ATXN2: variants seen among roughly 807,000 people sequenced by gnomAD.
ATXN2 encodes the protein ataxin 2.
In ATXN2, 37 loss-of-function variants were observed where a neutral mutation model predicts 138.6. That is an observed-to-expected ratio of 0.27 (90% CI 0.21 to 0.35). The LOEUF is 0.35. Among genes scored for constraint, ATXN2 ranks in the 10% least tolerant of loss-of-function variants. ATXN2 has a pLI of 1.00. For missense variants in ATXN2, 1,216 were observed against 1,480.3 expected, an observed-to-expected ratio of 0.82 and a Z score of 2.93; for synonymous variants, 549 against 543.7, an observed-to-expected ratio of 1.01 and a Z score of -0.13.
chr12:111,510,642 A>C, intron 11 of ATXN2, 60 bp from the exon 12 acceptor site: 1 of 1,423,418 alleles, frequency 7.0e-7, no homozygotes, highest in Non-Finnish European at 9.6e-7. Context: ...TTCCTAAAAG[A>C]GGCTTCAGGC....
At chr12:111,475,507 TAA>T (rs1330579956) in intron 18 of ATXN2, among the ~76,000 whole-genome samples, 2 of 147,780 alleles carry the variant, frequency 1.4e-5, no homozygotes, top group Non-Finnish European at 3.0e-5. Flanking sequence ...TTTTTTTTTT[TAA>T]GAGGGAATCT....
chr12:111,566,155 G>A (rs1476197182), intron 1 of ATXN2, among the ~76,000 whole-genome samples: 1 of 152,084 alleles, frequency 6.6e-6, no homozygotes, highest in Non-Finnish European at 1.5e-5. Flanking sequence ...AAATACGGCC[G>A]GGCGCGGTGG....
rs531469078 is a variant in ATXN2, at chr12:111,475,709, A to G, written c.2525-4967T>C. Among the ~76,000 whole-genome samples the G allele has an allele frequency of 2.0e-5, 3 of 152,038 alleles. No homozygotes were observed. In the South Asian group the frequency reaches 6.2e-4, roughly 32 times the overall value. ...TAAAAAGGCAACTGATTTTTTTAGT[A>G]GTAAGTTAATTATAGAGTTCATATG... On this transcript the variant is annotated intron_variant, in intron 18 of 24. Transcript: ENST00000673436.
Position 111,598,764 on chromosome 12 carries a change from G to A in ATXN2, c.251+20C>T. On this transcript the variant is annotated intron_variant, in intron 1 of 24. Transcript: ENST00000673436. This position sits in a 1 kb window ranked among gnomAD's most constrained non-coding sequence, Gnocchi z 4.5. ...GGACGCCGGGCCCGGAGCGGAGGGG[G>A]CTGGGGTGCCGACACCCACCTGCCC... 7.8e-7 allele frequency: 1 copy of A among 1,275,858 alleles called. No homozygotes were observed. Among genetic ancestry groups the A allele is most frequent in the East Asian group, 3.5e-5 (1 of 28,728 alleles). 79.0% of individuals were successfully genotyped at this position (1,275,858 alleles called of 1,614,324 possible).
chr12:111,480,338 A>C (rs148105067), intron 18 of ATXN2, among the ~76,000 whole-genome samples: 1,611 of 152,340 alleles, frequency 0.011, 16 homozygotes, highest in Non-Finnish European at 0.014. Flanking sequence ...TTTATACTTT[A>C]AGATAAATTC....
At chr12:111,492,555 ACCT>A (rs2135707222) in intron 14 of ATXN2, among the ~76,000 whole-genome samples, 1 of 152,142 alleles carries the variant, frequency 6.6e-6, no homozygotes, top group South Asian at 2.1e-4. Flanking sequence ...GGTGGCACGC[ACCT>A]GTAATCCCAG....
chr12:111,578,448 CTTAACA>C (rs764084503), intron 1 of ATXN2, among the ~76,000 whole-genome samples: 4 of 152,142 alleles, frequency 2.6e-5, no homozygotes, highest in Non-Finnish European at 4.4e-5. Context: ...TTCACAAATA[CTTAACA>C]TTATGTTACA....
chr12:111,586,605 CTCAATCTCTTGACCTTGTAA>C (rs1456398259), intron 1 of ATXN2, among the ~76,000 whole-genome samples: 1 of 151,812 alleles, frequency 6.6e-6, no homozygotes, highest in East Asian at 1.9e-4. Context: ...CCAGAATGGT[CTCAATCTCTTGACCTTGTAA>C]TCCGCCCTCC....
intron 20 of ATXN2, among the ~76,000 whole-genome samples, chr12:111,466,854 G>C (rs1876060656): frequency 6.6e-6 from 1 of 151,806 alleles, no homozygotes; most frequent in Non-Finnish European, 1.5e-5. Flanking sequence ...AAAAAGAAAA[G>C]CACAATTCAT....
chr12:111,522,634 C>T (rs952781877), intron 6 of ATXN2, among the ~76,000 whole-genome samples: 2 of 151,744 alleles, frequency 1.3e-5, no homozygotes, highest in Non-Finnish European at 2.9e-5. Context: ...GAGTTTCAGC[C>T]GGGCGCAGTG....
rs918800815 is a variant in ATXN2 at position 111,598,705 on chromosome 12, G to A, written c.251+79C>T. The A allele has an allele frequency of 2.1e-6, 2 of 941,458 alleles. No individual in the cohort carries two copies. Among genetic ancestry groups the A allele is most frequent in the Non-Finnish European group, 2.6e-6 (2 of 764,578 alleles). The allele number at this position is 941,458 out of a possible 1,614,324, so 58.3% of individuals were successfully genotyped here. On this transcript the variant is annotated intron_variant, in intron 1 of 24. Transcript: ENST00000673436. This position sits in a 1 kb window ranked among gnomAD's most constrained non-coding sequence, Gnocchi z 4.5. ...CACCCCGGGTAGCCCGGCGGGTCAC[G>A]GGGCGGGGACGGCGGCGCGGGCCGC...
chr12:111,453,597 A>ACTGGCC lies in ATXN2; in HGVS notation c.3439+74_3439+79dup. 2 of 1,465,126 alleles carry ACTGGCC rather than the reference A, an allele frequency of 1.4e-6. No homozygotes were observed. Among genetic ancestry groups the ACTGGCC allele is most frequent in the Non-Finnish European group, 1.8e-6 (2 of 1,105,370 alleles). 90.8% of individuals were successfully genotyped at this position (1,465,126 alleles called of 1,614,324 possible). A position where few individuals can be genotyped will look rare whatever the true frequency, so the allele number is the denominator to read the frequency against. On this transcript the variant is annotated intron_variant, in intron 24 of 24. Coordinates refer to ENST00000673436, the MANE Select transcript of ATXN2 (RefSeq NM_001372574.1). The surrounding 1 kb of genome is among the most constrained non-coding windows in gnomAD (Gnocchi z 5.4). ...AGTTCTCAAATGCGGGGCTTGAAGCACTGGCCCTGCCTGCCATTCCACCTG... is the reference window on the plus strand; with the variant it reads ...AGTTCTCAAATGCGGGGCTTGAAGCACTGGCCCTGGCCCTGCCTGCCATTCCACCTG...
chr12:111,507,554 G>A (rs1410407604), intron 14 of ATXN2, among the ~76,000 whole-genome samples: 12 of 145,606 alleles, frequency 8.2e-5, no homozygotes, highest in African/African-American at 1.3e-4. Context: ...GTCAGCCCCC[G>A]CCCAGCCAGC....
Position 111,457,222 on chromosome 12 carries a change from G to A in ATXN2, c.3034C>T (p.Pro1012Ser). 1.9e-6 allele frequency: 3 copies of A among 1,613,656 alleles called. No individual in the cohort carries two copies. Among genetic ancestry groups the A allele is most frequent in the Non-Finnish European group, 2.5e-6 (3 of 1,179,714 alleles). ...QHGGSHPAPS[P>S]VQHHQHQAAQ... ...CTCTGAGTTGCCCTTACCTGAACAG[G>A]ACTGGGTGCAGGATGACTTCCACCA... Residue 1012 changes from proline to serine, a missense_variant, in exon 22 of 25, where the codon CCT (proline) becomes TCT (serine). By Grantham distance (74) the Pro-to-Ser change is moderately conservative (BLOSUM62 -1). Transcript: ENST00000673436.
intron 5 of ATXN2, among the ~76,000 whole-genome samples, chr12:111,526,683 G>T (rs1229411567): frequency 6.6e-6 from 1 of 152,174 alleles, no homozygotes; most frequent in Non-Finnish European, 1.5e-5. Flanking sequence ...GGGATTACAG[G>T]TGTGAGCAAC....
At position 111,518,196 on chromosome 12, in the gene ATXN2, A is replaced by G. The variant is rs1249104026; in HGVS notation, c.1165+53T>C. ...GTAAACTATTTTAAGTATTTTAAGT[A>G]TTTAGAAAACTATTTTATCAATGAT... On this transcript the variant is annotated intron_variant, in intron 9 of 24. Transcript: ENST00000673436. 2.1e-6 allele frequency: 3 copies of G among 1,432,854 alleles called. No individual in the cohort carries two copies. In the East Asian group the frequency reaches 7.0e-5, roughly 33 times the overall value. The allele number at this position is 1,432,854 out of a possible 1,614,324, so 88.8% of individuals were successfully genotyped here. A position where few individuals can be genotyped will look rare whatever the true frequency, so the allele number is the denominator to read the frequency against.
chr12:111,453,686 G>A lies in ATXN2; in HGVS notation c.3430C>T (p.His1144Tyr), dbSNP rs1842327460. 1.2e-6 allele frequency: 2 copies of A among 1,605,202 alleles called. No homozygotes were observed. Among genetic ancestry groups the A allele is most frequent in the South Asian group, 1.1e-5 (1 of 89,766 alleles). Residue 1144 changes from histidine to tyrosine, a missense_variant, in exon 24 of 25, where the codon CAC becomes TAC. By Grantham distance (83) the His-to-Tyr change is moderately conservative. Coordinates refer to ENST00000673436, the MANE Select transcript of ATXN2 (RefSeq NM_001372574.1). This position sits in a 1 kb window ranked among gnomAD's most constrained non-coding sequence, Gnocchi z 5.4. ...STTAHFPYMT[H>Y]PSVQAHHQQQ... ...CACACACACGCCTCACCTGAAGGGT[G>A]CGTCATATAGGGGAAATGCGCTGTT...
At chr12:111,543,600 A>AT (rs998527469) in intron 5 of ATXN2, among the ~76,000 whole-genome samples, 5 of 151,876 alleles carry the variant, frequency 3.3e-5, no homozygotes, top group Non-Finnish European at 7.4e-5. Context: ...CACCAGGCTA[A>AT]TTTTTTTTGT....
chr12:111,458,514 C>A (rs956129348), intron 21 of ATXN2: 2 of 152,086 alleles, frequency 1.3e-5, no homozygotes, highest in Middle Eastern at 3.2e-3. Flanking sequence ...GACAGCACAC[C>A]GATGATAAAA....
Sources: allele counts gnomAD v4.1 joint callset (sites outside exome capture counted in the v4.1 genomes callset), GRCh38; gene constraint gnomAD v4.1.1; non-coding constraint Gnocchi (gnomAD v3.1); transcripts MANE v1.5; gene names NCBI Gene and HGNC (gene_info 2026-07-23, HGNC 2026-07-21).